The following PEX5L variants were observed in gnomAD, a reference collection of about 807,000 sequenced individuals.
PEX5L encodes PEX5-related protein.
PEX5L carries 30 observed loss-of-function variants against 84.0 expected under a neutral mutation model. The ratio of observed to expected loss-of-function variants is 0.36; its 90% CI spans 0.27 to 0.48. The LOEUF (loss-of-function observed/expected upper bound fraction) is 0.48, where lower values mean the gene tolerates loss of function less well. Among genes scored for constraint, PEX5L ranks in the 20% least tolerant of loss-of-function variants. The pLI, the probability that PEX5L is intolerant of heterozygous loss-of-function variation, is 0.99. For missense variants in PEX5L, 533 were observed against 754.6 expected (o/e 0.71, Z 3.44); for synonymous variants, 270 against 283.1 (o/e 0.95, Z 0.46).
rs1431315600 is a variant in PEX5L at position 179,797,603 on chromosome 3, A to ATATATAT, written c.*4224_*4225insATATATA. 9.1e-6 allele frequency: 1 copy of ATATATAT among 109,912 alleles called. No individual in the cohort carries two copies. The highest frequency in any genetic ancestry group is 3.5e-5 in the African/African-American group (1 of 28,422). The allele number at this position is 109,912 out of a possible 1,614,324, so 6.8% of individuals were successfully genotyped here. A position where few individuals can be genotyped will look rare whatever the true frequency, so the allele number is the denominator to read the frequency against. On this transcript the variant is annotated 3_prime_UTR_variant, in exon 15 of 15. Transcript: ENST00000467460. ...TGAACACTCTTTAAAAAAAAAAAAAAAAATATATATATATATATATATATA... is the reference window on the plus strand; with the variant it reads ...TGAACACTCTTTAAAAAAAAAAAAAATATATATAAATATATATATATATATATATATA...
intron 2 of PEX5L, among the ~76,000 whole-genome samples, chr3:179,932,711 C>T (rs1454451966): frequency 1.3e-5 from 2 of 151,786 alleles, no homozygotes; most frequent in African/African-American, 2.4e-5. Flanking sequence ...AATTCATGGC[C>T]CCAGACTTAA....
At chr3:179,988,302 G>A (rs546442898) in intron 1 of PEX5L, among the ~76,000 whole-genome samples, 140 of 152,118 alleles carry the variant, frequency 9.2e-4, no homozygotes, top group African/African-American at 3.3e-3. Context: ...TCGGGAGGCT[G>A]AGGCAGGAGA....
intron 7 of PEX5L, among the ~76,000 whole-genome samples, chr3:179,865,986 T>C (rs182178048): frequency 6.6e-6 from 1 of 152,284 alleles, no homozygotes; most frequent in East Asian, 1.9e-4. Flanking sequence ...TCCACAGCTA[T>C]AGCAAGCTCC....
intron 1 of PEX5L, among the ~76,000 whole-genome samples, chr3:180,033,542 T>G (rs1791641933): frequency 6.6e-6 from 1 of 152,182 alleles, no homozygotes; most frequent in Non-Finnish European, 1.5e-5. Flanking sequence ...TGTAATAATT[T>G]CCTCTAACTG....
intron 8 of PEX5L, among the ~76,000 whole-genome samples, chr3:179,855,186 G>A (rs186715989): frequency 3.7e-4 from 57 of 152,244 alleles, no homozygotes; most frequent in African/African-American, 1.3e-3. Flanking sequence ...GTGGCCAGGT[G>A]CCGATCATGA....
intron 14 of PEX5L, chr3:179,803,934 T>G (rs916416719): frequency 6.6e-6 from 1 of 152,234 alleles, no homozygotes; most frequent in African/African-American, 2.4e-5. Context: ...GATTTATAAA[T>G]GGATGGACAT....
intron 2 of PEX5L, among the ~76,000 whole-genome samples, chr3:179,934,089 G>T (rs1250548683): frequency 1.3e-5 from 2 of 152,228 alleles, no homozygotes; most frequent in African/African-American, 4.8e-5. Context: ...CAGAGCAAAT[G>T]CTCCAGCCAG....
At chr3:179,881,184 G>C (rs1754049648) in intron 4 of PEX5L, 1 of 152,392 alleles carries the variant, frequency 6.6e-6, no homozygotes, top group Admixed American at 6.5e-5. Context: ...CTAGGTGGGG[G>C]ATGGATTTTT....
At chr3:179,993,022 A>C (rs991230585) in intron 1 of PEX5L, among the ~76,000 whole-genome samples, 3 of 152,014 alleles carry the variant, frequency 2.0e-5, no homozygotes. Flanking sequence ...TGTGGATAAC[A>C]CTTAAAAAAA....
chr3:179,808,811 C>T (rs772004220), intron 12 of PEX5L, among the ~76,000 whole-genome samples: 1 of 152,092 alleles, frequency 6.6e-6, no homozygotes, highest in Non-Finnish European at 1.5e-5. Context: ...GGCGTGGTGG[C>T]TCACGCCTGT....
chr3:179,944,898 G>A (rs1777111327), intron 2 of PEX5L, among the ~76,000 whole-genome samples: 2 of 152,178 alleles, frequency 1.3e-5, no homozygotes, highest in African/African-American at 4.8e-5. Context: ...GGCAGAATCA[G>A]GACGTTCACT....
intron 2 of PEX5L, among the ~76,000 whole-genome samples, chr3:179,918,301 C>G (rs990551668): frequency 2.6e-5 from 4 of 152,116 alleles, no homozygotes; most frequent in African/African-American, 9.7e-5. Context: ...CAAAAGCATA[C>G]GGATTCCAAG....
At chr3:179,933,109 T>C (rs1467547627) in intron 2 of PEX5L, among the ~76,000 whole-genome samples, 1 of 152,192 alleles carries the variant, frequency 6.6e-6, no homozygotes, top group Non-Finnish European at 1.5e-5. Flanking sequence ...GAGCACATGG[T>C]ATTTGCCTTT....
At chr3:180,027,677 T>C (rs1221157453) in intron 1 of PEX5L, among the ~76,000 whole-genome samples, 1 of 152,206 alleles carries the variant, frequency 6.6e-6, no homozygotes, top group Non-Finnish European at 1.5e-5. Context: ...AAAGTCCATA[T>C]ATGAGTTCTG....
chr3:179,826,166 A>G (rs769225098), intron 8 of PEX5L, among the ~76,000 whole-genome samples: 1 of 152,170 alleles, frequency 6.6e-6, no homozygotes, highest in African/African-American at 2.4e-5. Context: ...AATAAACAAT[A>G]TAAGGTTCAA....
intron 1 of PEX5L, among the ~76,000 whole-genome samples, chr3:180,019,565 T>C (rs924945548): frequency 6.6e-5 from 10 of 152,186 alleles, no homozygotes; most frequent in African/African-American, 2.2e-4. Context: ...CATTTTTATT[T>C]ATCATCATAT....
At position 179,994,174 on chromosome 3, in the gene PEX5L, A is replaced by G. The variant is rs148956126; in HGVS notation, c.22-22509T>C. Among the ~76,000 whole-genome samples, 818 of 152,330 alleles carry G rather than the reference A, an allele frequency of 5.4e-3. 7 individuals carry two copies. The highest frequency in any genetic ancestry group is 0.019 in the African/African-American group (778 of 41,570). On this transcript the variant is annotated intron_variant, in intron 1 of 14. Transcript: ENST00000467460. ...CCAGCTTGCCAACTGCCACCCAAGG[A>G]AAGCTATCACAAGCCGAGCCATTCC...
At chr3:179,920,949 A>G (rs1769167454) in intron 2 of PEX5L, among the ~76,000 whole-genome samples, 1 of 152,186 alleles carries the variant, frequency 6.6e-6, no homozygotes, top group Non-Finnish European at 1.5e-5. Context: ...GTATAAAATC[A>G]AAGGAGAAAA....
At chr3:179,962,487 T>C (rs1043169041) in intron 2 of PEX5L, among the ~76,000 whole-genome samples, 18 of 152,230 alleles carry the variant, frequency 1.2e-4, no homozygotes, top group African/African-American at 4.3e-4. Context: ...AAAGTTTATC[T>C]ATACACCTAA....
Sources: allele counts gnomAD v4.1 joint callset (sites outside exome capture counted in the v4.1 genomes callset), GRCh38; gene constraint gnomAD v4.1.1; transcripts MANE v1.5; gene names NCBI Gene and HGNC (gene_info 2026-07-23, HGNC 2026-07-21).